Variants in SDE2 observed in about 807,000 individuals in gnomAD.
SDE2 encodes splicing regulator SDE2.
SDE2 carries 31 observed loss-of-function variants against 46.9 expected under a neutral mutation model. That is an observed-to-expected ratio of 0.66 (90% CI 0.50 to 0.89). SDE2 has a LOEUF of 0.89. Ranked by LOEUF, SDE2 falls within the 40% of genes least tolerant of loss-of-function variation. The pLI is 0.00. For missense variants in SDE2, 542 were observed against 564.4 expected (o/e 0.96, Z 0.40); for synonymous variants, 205 against 204.3 (o/e 1.00, Z -0.03).
intron 1 of SDE2, among the ~76,000 whole-genome samples, chr1:225,997,732 A>G (rs772614159): frequency 2.6e-5 from 4 of 152,152 alleles, no homozygotes; most frequent in Non-Finnish European, 5.9e-5. Flanking sequence ...CGCCTGGCCT[A>G]TATTTCTTGC....
chr1:225,985,227 C>G lies in SDE2; in HGVS notation c.*75G>C. ...TTAGCTTTTAATATCAACAGGAATA[C>G]TGGTCAAGAGTCCACATTATGCAGG... On this transcript the variant is annotated 3_prime_UTR_variant, in exon 7 of 7. Transcript: ENST00000272091. 1 of 1,144,552 alleles carries G rather than the reference C, an allele frequency of 8.7e-7. No homozygotes were observed. The highest frequency in any genetic ancestry group is 1.3e-6 in the Non-Finnish European group (1 of 761,346). The allele number at this position is 1,144,552 out of a possible 1,614,324, so 70.9% of individuals were successfully genotyped here.
rs1315527560 is a variant in SDE2, at chr1:225,992,951, T to A, written c.290A>T (p.Asn97Ile). The A allele has an allele frequency of 1.9e-6, 3 of 1,613,644 alleles. No individual in the cohort carries two copies. The East Asian group carries it at 6.7e-5, about 36-fold the overall frequency. Residue 97 changes from asparagine to isoleucine, a missense_variant, in exon 3 of 7, where the codon AAT becomes ATT. Transcript: ENST00000272091. ...ALGAQIEKTT[N>I]REACRDLSGR... ...ACTGAGATCCCGACAAGCTTCTCGATTGGTTGTCTTCTCAATCTGAGCACC... is the reference window on the plus strand; with the variant it reads ...ACTGAGATCCCGACAAGCTTCTCGAATGGTTGTCTTCTCAATCTGAGCACC...
At chr1:225,998,915 GAAAGAGAAAC>G (rs1029381303) in intron 1 of SDE2, among the ~76,000 whole-genome samples, 2 of 152,098 alleles carry the variant, frequency 1.3e-5, no homozygotes, top group Non-Finnish European at 2.9e-5. Context: ...TACGGATAAA[GAAAGAGAAAC>G]AAAGTATTTG....
intron 6 of SDE2, 96 bp from the exon 7 acceptor site, chr1:225,985,619 T>A: frequency 1.3e-6 from 1 of 756,574 alleles, no homozygotes; most frequent in Non-Finnish European, 2.2e-6. Flanking sequence ...AATTTTCATT[T>A]AATTTGCCAT....
intron 5 of SDE2, among the ~76,000 whole-genome samples, chr1:225,988,821 A>G (rs929303067): frequency 6.6e-6 from 1 of 152,222 alleles, no homozygotes; most frequent in Non-Finnish European, 1.5e-5. Context: ...AAATTTCGGA[A>G]AAAGATATTC....
chr1:225,993,001 A>C lies in SDE2; in HGVS notation c.240T>G (p.Gly80=), dbSNP rs1289714450. The C allele has an allele frequency of 7.7e-6, 12 of 1,559,514 alleles. No individual in the cohort carries two copies. The highest frequency in any genetic ancestry group is 9.7e-6 in the Non-Finnish European group (11 of 1,131,394). The change falls in exon 3 of 7, where the codon GGT becomes GGG. Residue 80 remains glycine, a splice_region_variant and synonymous_variant. Transcript: ENST00000272091. ...LEPRLCGGKG[G]FGSMLRALGA... ...CAAGTGCTCGGAGCATAGATCCAAA[A>C]CCTGAGCAGATGTATTTGGAGAAAG... is the stretch of plus-strand genomic sequence containing the variant.
At chr1:225,990,541 T>C (rs904072115) in intron 5 of SDE2, among the ~76,000 whole-genome samples, 4 of 152,204 alleles carry the variant, frequency 2.6e-5, no homozygotes, top group Non-Finnish European at 5.9e-5. Flanking sequence ...TGAATTTTGC[T>C]ATATATAAAT....
intron 3 of SDE2, 50 bp from the exon 4 acceptor site, chr1:225,992,617 C>T (rs1656428130): frequency 8.6e-7 from 1 of 1,160,030 alleles, no homozygotes; most frequent in East Asian, 2.4e-5. Context: ...ATTACATATA[C>T]ACTTTTATAT....
rs1030355959 is a variant in SDE2, at chr1:225,992,904, T to G, written c.337A>C (p.Asn113His). The G allele has an allele frequency of 1.9e-6, 3 of 1,606,016 alleles. No individual in the cohort carries two copies. Among genetic ancestry groups the G allele is most frequent in the African/African-American group, 1.3e-5 (1 of 74,862 alleles). The change falls in exon 3 of 7, where the codon AAT becomes CAT. Residue 113 changes from asparagine (N) to histidine (H), a missense_variant. By Grantham distance (68) the Asn-to-His change is moderately conservative (BLOSUM62 1). Transcript: ENST00000272091. ...DLSGRRLRDV[N>H]HEKAMAEWVK... is the part of the protein sequence containing the mutation. ...TGGGCATCTTACGCTTTTTCATGAT[T>G]GACATCGCGTAGTCTCCTTCCACTG...
At chr1:225,994,365 C>T (rs750126222) in intron 2 of SDE2, among the ~76,000 whole-genome samples, 10 of 152,150 alleles carry the variant, frequency 6.6e-5, no homozygotes, top group Non-Finnish European at 8.8e-5. Context: ...CGTGAGCCAC[C>T]GTGCCCAGCC....
At position 225,998,659 on chromosome 1, in the gene SDE2, C is replaced by T. The variant is rs376114616; in HGVS notation, c.120+534G>A. ...ATAGTGAACACTTCTACGTAACAGGCCCTAAGAACCCAGGCCCTCAACAGG... is the reference window on the plus strand; with the variant it reads ...ATAGTGAACACTTCTACGTAACAGGTCCTAAGAACCCAGGCCCTCAACAGG... On this transcript the variant is annotated intron_variant, in intron 1 of 6. Transcript: ENST00000272091. Among the ~76,000 whole-genome samples, 24 of 152,274 alleles carry T rather than the reference C, an allele frequency of 1.6e-4. No individual in the cohort carries two copies. The East Asian group carries it at 3.1e-3, about 20-fold the overall frequency.
intron 5 of SDE2, 56 bp downstream of exon 5, chr1:225,991,187 G>A (rs761094141): frequency 6.3e-5 from 99 of 1,561,842 alleles, no homozygotes; most frequent in Non-Finnish European, 8.3e-5. Flanking sequence ...AAACAAGGAG[G>A]AAATGTCTCA....
At chr1:225,999,066 C>A in intron 1 of SDE2, 127 bp downstream of exon 1, 1 of 728,360 alleles carries the variant, frequency 1.4e-6, no homozygotes. Context: ...CACTGAGGAA[C>A]TCTCAGCCTC....
intron 1 of SDE2, 58 bp from the exon 2 acceptor site, chr1:225,995,441 C>T (rs1656500943): frequency 1.2e-6 from 1 of 861,538 alleles, no homozygotes. Flanking sequence ...AAGTTTGTTA[C>T]AAGAAGGGAC....
In SDE2 at chr1:225,984,482, T is replaced by C. The variant is rs1576172233; in HGVS notation, c.*820A>G. The C allele has an allele frequency of 6.6e-6, 1 of 151,718 alleles. No individual in the cohort carries two copies. Among genetic ancestry groups the C allele is most frequent in the African/African-American group, 2.4e-5 (1 of 41,274 alleles). The allele number at this position is 151,718 out of a possible 1,614,324, so 9.4% of individuals were successfully genotyped here. On this transcript the variant is annotated 3_prime_UTR_variant, in exon 7 of 7. Transcript: ENST00000272091. ...TAACAGAAATTAATTATATAAACAA[T>C]TGAGAAAAATAAAACCAAAGGTTGG...
Position 225,984,102 on chromosome 1 carries a change from C to G in SDE2, c.*1200G>C, listed in dbSNP as rs1291204998. On this transcript the variant is annotated 3_prime_UTR_variant, in exon 7 of 7. Coordinates refer to ENST00000272091, the MANE Select transcript of SDE2 (RefSeq NM_152608.4). ...TCTCTACTAAAAATACAAAAATCAG[C>G]CAGGTATGGTGGCTGGAGCCTGTAA... is the stretch of plus-strand genomic sequence containing the variant. 6.6e-6 allele frequency: 1 copy of G among 151,996 alleles called. No homozygotes were observed. The highest frequency in any genetic ancestry group is 1.5e-5 in the Non-Finnish European group (1 of 68,016). The allele number at this position is 151,996 out of a possible 1,614,324, so 9.4% of individuals were successfully genotyped here.
At position 225,999,308 on chromosome 1, in the gene SDE2, G is replaced by A. The variant is rs376444841; in HGVS notation, c.5C>T (p.Ala2Val). The A allele has an allele frequency of 5.5e-5, 88 of 1,610,998 alleles. 3 individuals are homozygous for A. Among genetic ancestry groups the A allele is most frequent in the Middle Eastern group, 1.7e-4 (1 of 6,032 alleles). MAEAAALVWIRG... is the reference protein window; with the variant it reads MVEAAALVWIRG... ...AATCCACACCAGCGCCGCGGCCTCC[G>A]CCATGTCACCGACTACCCGAACCTC... The change falls in exon 1 of 7, where the codon GCG becomes GTG. Residue 2 changes from alanine to valine, a missense_variant. Ala to Val is a moderately conservative substitution (Grantham distance 64). Coordinates refer to ENST00000272091, the MANE Select transcript of SDE2 (RefSeq NM_152608.4).
At position 225,982,707 on chromosome 1, in the gene SDE2, G is replaced by T. The variant is rs770737640; in HGVS notation, c.*2595C>A. ...AGAATATTAGAAATGGTAAATATGT[G>T]AATAAATACAAAAGATTTTATTTTT... On this transcript the variant is annotated 3_prime_UTR_variant, in exon 7 of 7. Transcript: ENST00000272091. The T allele has an allele frequency of 6.6e-6, 1 of 152,018 alleles. No homozygotes were observed. The highest frequency in any genetic ancestry group is 2.4e-5 in the African/African-American group (1 of 41,406). The allele number at this position is 152,018 out of a possible 1,614,324, so 9.4% of individuals were successfully genotyped here.
At chr1:225,998,459 C>G (rs1576179029) in intron 1 of SDE2, among the ~76,000 whole-genome samples, 1 of 152,172 alleles carries the variant, frequency 6.6e-6, no homozygotes, top group African/African-American at 2.4e-5. Context: ...CAAGTGCCAA[C>G]ATTAAAATTA....
Sources: allele counts gnomAD v4.1 joint callset (sites outside exome capture counted in the v4.1 genomes callset), GRCh38; gene constraint gnomAD v4.1.1; transcripts MANE v1.5; gene names NCBI Gene and HGNC (gene_info 2026-07-23, HGNC 2026-07-21).